MKNK1: variants seen among roughly 807,000 people sequenced by gnomAD.
The protein encoded by MKNK1 is MAPK interacting serine/threonine kinase 1.
A neutral mutation model predicts 49.3 loss-of-function variants in MKNK1; 30 were observed. The observed-to-expected ratio is 0.61, with a 90% CI of 0.46 to 0.83. MKNK1 has a LOEUF of 0.83. Ranked by LOEUF, MKNK1 falls within the 40% of genes least tolerant of loss-of-function variation. The probability of loss-of-function intolerance (pLI) is 0.00; values close to 1 mark genes in which losing one functional copy is unlikely to be tolerated. For synonymous variants in MKNK1, 176 were observed against 201.7 expected (o/e 0.87, Z 1.08); for missense variants, 423 against 524.7 (o/e 0.81, Z 1.89).
In MKNK1 at chr1:46,568,117, G is replaced by A. The variant is rs895176311; in HGVS notation, c.513+326C>T. The A allele has an allele frequency of 4.7e-4, 100 of 214,718 alleles. 1 individual carries two copies. Among genetic ancestry groups the A allele is most frequent in the Non-Finnish European group, 6.1e-4 (69 of 112,846 alleles). The allele number at this position is 214,718 out of a possible 1,614,324, so 13.3% of individuals were successfully genotyped here. ...AGCTTGGGTGGCAAAGTGAGACCCC[G>A]TCTCAAAAAAAAAAAAAAAGTATTT... On this transcript the variant is annotated intron_variant, in intron 8 of 12. Transcript: ENST00000371945.
At position 46,561,614 on chromosome 1, in the gene MKNK1, C is replaced by T. The variant is rs772883631; in HGVS notation, c.833G>A (p.Gly278Asp). 2 of 1,614,152 alleles carry T rather than the reference C, an allele frequency of 1.2e-6. No homozygotes were observed. Among genetic ancestry groups the T allele is most frequent in the East Asian group, 2.2e-5 (1 of 44,880 alleles). The part of the protein sequence containing the change: ...QNKLFESIQE[G>D]KYEFPDKDWA... ...GTCCTTGTCAGGAAACTCATACTTG[C>T]CTTCCTGGATGCTTTCAAACAGCTT... The change falls in exon 11 of 13, where the codon GGC (glycine) becomes GAC (aspartate). Residue 278 changes from glycine (G) to aspartate (D), a missense_variant. Gly to Asp is a moderately conservative substitution (Grantham distance 94, BLOSUM62 -1). Transcript: ENST00000371945.
At chr1:46,562,166 C>T (rs1288706346) in intron 10 of MKNK1, among the ~76,000 whole-genome samples, 1 of 151,942 alleles carries the variant, frequency 6.6e-6, no homozygotes, top group East Asian at 1.9e-4. Context: ...GAGGCCGAGG[C>T]GGGAGGATCA....
intron 7 of MKNK1, 34 bp downstream of exon 7, chr1:46,572,029 C>T (rs770413292): frequency 4.5e-5 from 72 of 1,601,852 alleles, no homozygotes; most frequent in Non-Finnish European, 5.9e-5. Flanking sequence ...GCTGGCCAGC[C>T]CAACCCACCC....
chr1:46,586,542 A>AGACACATAG (rs1484496842), intron 2 of MKNK1, among the ~76,000 whole-genome samples: 3 of 152,192 alleles, frequency 2.0e-5, no homozygotes, highest in Non-Finnish European at 4.4e-5. Context: ...AGATCATGGC[A>AGACACATAG]CAGTGTCAGA....
At chr1:46,592,851 G>A (rs1673525353) in intron 2 of MKNK1, among the ~76,000 whole-genome samples, 3 of 152,108 alleles carry the variant, frequency 2.0e-5, no homozygotes, top group South Asian at 4.1e-4. Flanking sequence ...ATGATTACAT[G>A]TTTATTAACC....
intron 2 of MKNK1, among the ~76,000 whole-genome samples, chr1:46,584,259 T>C (rs1412144985): frequency 6.6e-6 from 1 of 152,176 alleles, no homozygotes; most frequent in Non-Finnish European, 1.5e-5. Flanking sequence ...CTGTTAAAGA[T>C]AAATTACTTA....
At position 46,595,779 on chromosome 1, in the gene MKNK1, T is replaced by C. The variant is rs112023196; in HGVS notation, c.-170-1499A>G. On this transcript the variant is annotated intron_variant, in intron 1 of 12. Transcript: ENST00000371945. ...CCTTGAACACCATCCAACGACAGGATCTGGCTCCATTAGCCAGGCTGGAGT... is the reference window on the plus strand; with the variant it reads ...CCTTGAACACCATCCAACGACAGGACCTGGCTCCATTAGCCAGGCTGGAGT... Among the ~76,000 whole-genome samples, 7 of 152,310 alleles carry C rather than the reference T, an allele frequency of 4.6e-5. 1 individual carries two copies. Among genetic ancestry groups the C allele is most frequent in the African/African-American group, 1.7e-4 (7 of 41,560 alleles).
Position 46,558,469 on chromosome 1 carries a change from G to T in MKNK1, c.*106C>A. 1.7e-6 allele frequency: 2 copies of T among 1,155,542 alleles called. No homozygotes were observed. Among genetic ancestry groups the T allele is most frequent in the Non-Finnish European group, 2.4e-6 (2 of 835,878 alleles). The allele number at this position is 1,155,542 out of a possible 1,614,324, so 71.6% of individuals were successfully genotyped here. On this transcript the variant is annotated 3_prime_UTR_variant, in exon 13 of 13. Transcript: ENST00000371945. ...TCGTAGATGAAAAAGCCTGAATGGA[G>T]CCACAGAGCAGAGGCTGCTGCCTGC... is the stretch of plus-strand genomic sequence containing the variant.
rs1350659079 is a variant in MKNK1 at position 46,557,721 on chromosome 1, AG to A, written c.*853del. On this transcript the variant is annotated 3_prime_UTR_variant, in exon 13 of 13. Transcript: ENST00000371945. ...CCGATGCTGTCTCTAAGTTCATCACAGGAACAGCTTAAAATCAGAATAATAG... is the reference window on the plus strand; with the variant it reads ...CCGATGCTGTCTCTAAGTTCATCACAGAACAGCTTAAAATCAGAATAATAG... 5.9e-5 allele frequency: 9 copies of A among 152,520 alleles called. No individual in the cohort carries two copies. In the East Asian group the frequency reaches 1.4e-3, roughly 23 times the overall value. The allele number at this position is 152,520 out of a possible 1,614,324, so 9.4% of individuals were successfully genotyped here.
chr1:46,600,767 A>G (rs1445040962), intron 1 of MKNK1, among the ~76,000 whole-genome samples: 1 of 152,266 alleles, frequency 6.6e-6, no homozygotes, highest in Non-Finnish European at 1.5e-5. Context: ...GCTATAACAC[A>G]GAGTTAAAAA....
chr1:46,565,238 C>T lies in MKNK1; in HGVS notation c.514-102G>A, dbSNP rs545492712. 16 of 1,058,302 alleles carry T rather than the reference C, an allele frequency of 1.5e-5. 1 individual carries two copies. Among genetic ancestry groups the T allele is most frequent in the African/African-American group, 6.3e-5 (4 of 63,984 alleles). The allele number at this position is 1,058,302 out of a possible 1,614,324, so 65.6% of individuals were successfully genotyped here. A position where few individuals can be genotyped will look rare whatever the true frequency, so the allele number is the denominator to read the frequency against. On this transcript the variant is annotated intron_variant, in intron 8 of 12. Coordinates refer to ENST00000371945, the MANE Select transcript of MKNK1 (RefSeq NM_001135553.4). ...GTGCATGGCTCCGTGGCTGTCACACCGCAGCTGGTTTTGTCAGGTCATGTT... is the reference window on the plus strand; with the variant it reads ...GTGCATGGCTCCGTGGCTGTCACACTGCAGCTGGTTTTGTCAGGTCATGTT...
At chr1:46,562,568 C>G in intron 10 of MKNK1, 81 bp downstream of exon 10, 2 of 1,452,086 alleles carry the variant, frequency 1.4e-6, no homozygotes, top group Non-Finnish European at 1.8e-6. Context: ...GAACGCTCTC[C>G]CAGCCCAGTC....
intron 1 of MKNK1, among the ~76,000 whole-genome samples, chr1:46,602,576 C>T (rs138806045): frequency 1.9e-3 from 296 of 152,334 alleles, no homozygotes; most frequent in African/African-American, 6.6e-3. Flanking sequence ...GTCCAACCCG[C>T]GGCCCTGGAT....
At chr1:46,574,734 A>T (rs902593408) in intron 6 of MKNK1, 7 of 529,634 alleles carry the variant, frequency 1.3e-5, no homozygotes, top group East Asian at 9.1e-5. Flanking sequence ...AAAGGCATTT[A>T]TAAAATACCC....
intron 8 of MKNK1, chr1:46,568,202 G>A: frequency 1.5e-5 from 7 of 479,330 alleles, no homozygotes; most frequent in Non-Finnish European, 2.3e-5. Context: ...TTAATTTTGT[G>A]CAGGTCTCAT....
At chr1:46,583,475 G>C (rs1269058687) in intron 2 of MKNK1, 146 bp from the exon 3 acceptor site, 4 of 579,730 alleles carry the variant, frequency 6.9e-6, no homozygotes, top group South Asian at 2.4e-5. Context: ...CTATTGATTT[G>C]TTTTGACCTA....
At chr1:46,577,196 C>T (rs543890043) in intron 4 of MKNK1, among the ~76,000 whole-genome samples, 3 of 152,182 alleles carry the variant, frequency 2.0e-5, no homozygotes, top group South Asian at 2.1e-4. Flanking sequence ...GATTTATTTA[C>T]GGCCGGGTGT....
intron 1 of MKNK1, among the ~76,000 whole-genome samples, chr1:46,602,823 A>G (rs36058295): frequency 0.51 from 78,231 of 152,000 alleles, 20,928 homozygotes; most frequent in East Asian, 0.94. Flanking sequence ...GAAGAGCACA[A>G]GGGCACCCAT....
At chr1:46,590,312 C>A (rs1673156452) in intron 2 of MKNK1, among the ~76,000 whole-genome samples, 1 of 152,168 alleles carries the variant, frequency 6.6e-6, no homozygotes, top group Non-Finnish European at 1.5e-5. Context: ...ACATTTACAT[C>A]TTTGAAGTAG....
Sources: gnomAD v4.1 joint callset for allele counts (sites outside exome capture counted in the v4.1 genomes callset) on GRCh38, gnomAD v4.1.1 for gene constraint, MANE v1.5 for transcripts, NCBI Gene and HGNC (gene_info 2026-07-23, HGNC 2026-07-21) for gene names.